Variants in KCNB2 observed in about 807,000 individuals in gnomAD.
The protein encoded by KCNB2 is potassium voltage-gated channel subfamily B member 2.
KCNB2 carries 15 observed loss-of-function variants against 61.5 expected under a neutral mutation model. The observed-to-expected ratio is 0.24, with a 90% CI of 0.16 to 0.38. KCNB2 has a LOEUF of 0.38. KCNB2 is among the 10% of genes least tolerant of loss of function. The probability of loss-of-function intolerance (pLI) is 1.00; values close to 1 mark genes in which losing one functional copy is unlikely to be tolerated. For synonymous variants in KCNB2, 457 were observed against 446.0 expected, an observed-to-expected ratio of 1.02 and a Z score of -0.31; for missense variants, 828 against 1,125.2, an observed-to-expected ratio of 0.74 and a Z score of 3.78.
At chr8:72,773,777 G>A (rs976893834) in intron 2 of KCNB2, among the ~76,000 whole-genome samples, 1 of 152,050 alleles carries the variant, frequency 6.6e-6, no homozygotes, top group Non-Finnish European at 1.5e-5. Context: ...AATTAATTTT[G>A]TACCTAAGAA....
intron 2 of KCNB2, among the ~76,000 whole-genome samples, chr8:72,916,766 G>A (rs1806409520): frequency 6.6e-6 from 1 of 152,194 alleles, no homozygotes; most frequent in Non-Finnish European, 1.5e-5. Flanking sequence ...GGACAGAGCA[G>A]GAAGGTATTC....
At chr8:72,856,672 G>A (rs1401045477) in intron 2 of KCNB2, among the ~76,000 whole-genome samples, 1 of 152,066 alleles carries the variant, frequency 6.6e-6, no homozygotes, top group African/African-American at 2.4e-5. Context: ...TGTTTTTTAT[G>A]AATCCCTGTT....
At chr8:72,896,286 A>G (rs1183033710) in intron 2 of KCNB2, among the ~76,000 whole-genome samples, 1 of 152,148 alleles carries the variant, frequency 6.6e-6, no homozygotes, top group Non-Finnish European at 1.5e-5. Flanking sequence ...GTTTCCTTAC[A>G]CTGGGAATTA....
At chr8:72,908,373 T>C (rs1266783967) in intron 2 of KCNB2, among the ~76,000 whole-genome samples, 1 of 152,188 alleles carries the variant, frequency 6.6e-6, no homozygotes, top group Non-Finnish European at 1.5e-5. Flanking sequence ...TTGATTATTT[T>C]ACTATTATCT....
intron 2 of KCNB2, among the ~76,000 whole-genome samples, chr8:72,583,281 T>C (rs1178413197): frequency 2.0e-5 from 3 of 152,162 alleles, no homozygotes; most frequent in African/African-American, 4.8e-5. Context: ...ATTCATAAAA[T>C]TATTGTTTGA....
At chr8:72,604,268 G>A (rs2128982773) in intron 2 of KCNB2, among the ~76,000 whole-genome samples, 1 of 152,254 alleles carries the variant, frequency 6.6e-6, no homozygotes, top group Non-Finnish European at 1.5e-5. Context: ...CACAATGAAT[G>A]CTCCATCTAT....
At chr8:72,915,688 G>A (rs563805259) in intron 2 of KCNB2, among the ~76,000 whole-genome samples, 185 of 152,108 alleles carry the variant, frequency 1.2e-3, no homozygotes, top group Non-Finnish European at 2.0e-3. Flanking sequence ...GGGAGGCTGA[G>A]GCGGGCGGAT....
Position 72,937,439 on chromosome 8 carries a change from A to G in KCNB2, c.2084A>G (p.Asn695Ser). The change falls in exon 3 of 3, where the codon AAT (asparagine) becomes AGT (serine). Residue 695 changes from asparagine to serine, a missense_variant. Around this residue, in one of 4 missense-constraint regions of KCNB2, gnomAD observed 559 missense variants for 588.4 expected, o/e 0.95. Transcript: ENST00000523207. ...CGLHSPLQSDNATDSPKSSLK... is the reference protein window; with the variant it reads ...CGLHSPLQSDSATDSPKSSLK... ...CTACATAGTCCTTTGCAGTCTGACAATGCCACCGACAGTCCTAAGAGCTCT... is the reference window on the plus strand; with the variant it reads ...CTACATAGTCCTTTGCAGTCTGACAGTGCCACCGACAGTCCTAAGAGCTCT... 6.2e-7 allele frequency: 1 copy of G among 1,613,914 alleles called. No homozygotes were observed.
intron 2 of KCNB2, among the ~76,000 whole-genome samples, chr8:72,774,866 T>C (rs981366599): frequency 2.0e-5 from 3 of 152,090 alleles, no homozygotes; most frequent in Admixed American, 2.0e-4. Flanking sequence ...TAGAATTCTT[T>C]ATCCGTGTAG....
At chr8:72,628,009 A>G (rs1307735511) in intron 2 of KCNB2, among the ~76,000 whole-genome samples, 1 of 151,628 alleles carries the variant, frequency 6.6e-6, no homozygotes, top group Non-Finnish European at 1.5e-5. Flanking sequence ...GCTGGAGTGC[A>G]GTGGTGGGAT....
At chr8:72,867,298 TA>T (rs1026121321) in intron 2 of KCNB2, among the ~76,000 whole-genome samples, 2 of 152,190 alleles carry the variant, frequency 1.3e-5, no homozygotes, top group Admixed American at 1.3e-4. Context: ...TACTCATTTA[TA>T]AAAAAAGTTG....
chr8:72,736,661 CTCTA>C (rs1165120235), intron 2 of KCNB2, among the ~76,000 whole-genome samples: 1 of 152,106 alleles, frequency 6.6e-6, no homozygotes, highest in African/African-American at 2.4e-5. Flanking sequence ...CCGCTTCAGT[CTCTA>C]TCTAACAAGA....
At chr8:72,554,235 C>A (rs1276370385) in intron 1 of KCNB2, among the ~76,000 whole-genome samples, 1 of 152,000 alleles carries the variant, frequency 6.6e-6, no homozygotes, top group Non-Finnish European at 1.5e-5. Context: ...GCTACTTTAC[C>A]CAATTTTGCA....
At chr8:72,829,996 A>C (rs1442295348) in intron 2 of KCNB2, among the ~76,000 whole-genome samples, 1 of 151,836 alleles carries the variant, frequency 6.6e-6, no homozygotes, top group Non-Finnish European at 1.5e-5. Flanking sequence ...AAAAAAAAAA[A>C]AAAGCCAACT....
At chr8:72,789,624 A>G (rs1808903315) in intron 2 of KCNB2, among the ~76,000 whole-genome samples, 1 of 152,292 alleles carries the variant, frequency 6.6e-6, no homozygotes, top group Admixed American at 6.5e-5. Flanking sequence ...GAGATCAAGA[A>G]CACAGAGAGG....
At chr8:72,628,422 TGTGTGTGTGTGTGTGTGTGTGTGA>T (rs1235625231) in intron 2 of KCNB2, among the ~76,000 whole-genome samples, 41 of 148,912 alleles carry the variant, frequency 2.8e-4, no homozygotes, top group Admixed American at 7.4e-4. Context: ...TGTGTGTGTG[TGTGTGTGTGTGTGTGTGTGTGTGA>T]GATGCACTTA....
At chr8:72,832,881 A>G (rs1054018241) in intron 2 of KCNB2, among the ~76,000 whole-genome samples, 16 of 152,204 alleles carry the variant, frequency 1.1e-4, no homozygotes, top group African/African-American at 3.6e-4. Flanking sequence ...TAAGTGAGAC[A>G]GAGAGCGAGA....
chr8:72,921,677 G>A (rs761924392), intron 2 of KCNB2, among the ~76,000 whole-genome samples: 19 of 151,938 alleles, frequency 1.3e-4, no homozygotes, highest in Non-Finnish European at 1.8e-4. Flanking sequence ...TATTTCTCCC[G>A]TATTCCACTG....
chr8:72,616,885 A>G (rs1036583184), intron 2 of KCNB2, among the ~76,000 whole-genome samples: 2 of 152,172 alleles, frequency 1.3e-5, no homozygotes, highest in South Asian at 2.1e-4. Flanking sequence ...TCCTTTGCCT[A>G]TTACTGAAAT....
Sources: allele counts gnomAD v4.1 joint callset (sites outside exome capture counted in the v4.1 genomes callset), GRCh38; gene constraint gnomAD v4.1.1; regional missense constraint gnomAD v4.1.1; transcripts MANE v1.5; gene names NCBI Gene and HGNC (gene_info 2026-07-23, HGNC 2026-07-21).